The following CAMK4 variants were observed in gnomAD, a reference collection of about 807,000 sequenced individuals.
CAMK4 encodes calcium/calmodulin dependent protein kinase IV.
Under a neutral mutation model 44.9 loss-of-function variants are expected in CAMK4, and 22 were observed. The ratio of observed to expected loss-of-function variants is 0.49; its 90% CI spans 0.35 to 0.70. The LOEUF (loss-of-function observed/expected upper bound fraction) is 0.70, where lower values mean the gene tolerates loss of function less well. CAMK4 is among the 30% of genes least tolerant of loss of function. The pLI is 0.01. For synonymous variants in CAMK4, 218 were observed against 215.4 expected, an observed-to-expected ratio of 1.01 and a Z score of -0.11; for missense variants, 498 against 586.8, an observed-to-expected ratio of 0.85 and a Z score of 1.56.
chr5:111,363,051 A>G (rs1457028215), intron 2 of CAMK4, among the ~76,000 whole-genome samples: 4 of 152,128 alleles, frequency 2.6e-5, no homozygotes, highest in Non-Finnish European at 4.4e-5. Flanking sequence ...TCTGGCAGCT[A>G]TAAAAGCTCT....
chr5:111,246,476 A>G (rs1749245115), intron 1 of CAMK4, among the ~76,000 whole-genome samples: 1 of 152,246 alleles, frequency 6.6e-6, no homozygotes, highest in African/African-American at 2.4e-5. Context: ...AAAGTCCAGA[A>G]CTTTTTCAGG....
intron 1 of CAMK4, among the ~76,000 whole-genome samples, chr5:111,235,519 C>T (rs6891059): frequency 0.29 from 43,353 of 152,022 alleles, 6,451 homozygotes; most frequent in South Asian, 0.41. Context: ...ACACTAATAA[C>T]AATGTTCAAT....
At chr5:111,263,089 G>C (rs1561370626) in intron 1 of CAMK4, among the ~76,000 whole-genome samples, 1 of 152,200 alleles carries the variant, frequency 6.6e-6, no homozygotes, top group Admixed American at 6.5e-5. Context: ...TAGTAAGACA[G>C]CGAAAAGAGA....
chr5:111,317,393 G>A (rs1373488711), intron 1 of CAMK4, among the ~76,000 whole-genome samples: 1 of 151,982 alleles, frequency 6.6e-6, no homozygotes, highest in Non-Finnish European at 1.5e-5. Flanking sequence ...ATAAAATCAC[G>A]GTAAAGCCTA....
At chr5:111,332,294 T>C (rs564564346) in intron 1 of CAMK4, among the ~76,000 whole-genome samples, 4 of 142,200 alleles carry the variant, frequency 2.8e-5, no homozygotes, top group African/African-American at 1.0e-4. Flanking sequence ...GTGTTCTCAT[T>C]GTTCAATTCC....
intron 5 of CAMK4, among the ~76,000 whole-genome samples, chr5:111,402,334 T>C (rs1419741696): frequency 6.6e-6 from 1 of 152,180 alleles, no homozygotes; most frequent in Non-Finnish European, 1.5e-5. Flanking sequence ...AAAACAAAAA[T>C]AAATTATCAG....
chr5:111,248,828 A>G (rs1486557854), intron 1 of CAMK4, among the ~76,000 whole-genome samples: 1 of 152,142 alleles, frequency 6.6e-6, no homozygotes, highest in Non-Finnish European at 1.5e-5. Flanking sequence ...CCAGTAATCA[A>G]ATCATGTTGT....
chr5:111,372,014 A>G (rs1481716408), intron 2 of CAMK4, among the ~76,000 whole-genome samples: 3 of 152,200 alleles, frequency 2.0e-5, no homozygotes, highest in African/African-American at 7.2e-5. Context: ...TGGATTCAAA[A>G]GAGTTTCTAG....
At chr5:111,413,268 G>A (rs527710717) in intron 5 of CAMK4, among the ~76,000 whole-genome samples, 80 of 152,226 alleles carry the variant, frequency 5.3e-4, no homozygotes, top group African/African-American at 1.9e-3. Context: ...AAAAGGTTTG[G>A]AGGCAGTTAT....
intron 4 of CAMK4, among the ~76,000 whole-genome samples, chr5:111,384,279 CCTT>C (rs1166995074): frequency 6.6e-6 from 1 of 152,114 alleles, no homozygotes; most frequent in East Asian, 1.9e-4. Flanking sequence ...CTGGCTTACT[CCTT>C]CATATCATTC....
intron 5 of CAMK4, among the ~76,000 whole-genome samples, chr5:111,397,156 C>G (rs539809897): frequency 6.6e-6 from 1 of 152,204 alleles, no homozygotes; most frequent in African/African-American, 2.4e-5. Context: ...GCAGCTGATA[C>G]AGCAGTTAAG....
At chr5:111,330,109 A>C (rs889010373) in intron 1 of CAMK4, among the ~76,000 whole-genome samples, 3 of 145,432 alleles carry the variant, frequency 2.1e-5, no homozygotes, top group South Asian at 4.8e-4. Flanking sequence ...CAAAAAAACA[A>C]ACAAATAAAA....
intron 4 of CAMK4, among the ~76,000 whole-genome samples, chr5:111,384,758 C>G (rs1277342224): frequency 1.6e-4 from 25 of 152,164 alleles, no homozygotes; most frequent in Admixed American, 1.6e-3. Context: ...GCATTGTTTC[C>G]CATTGCAGTA....
chr5:111,323,311 T>C (rs1409240711), intron 1 of CAMK4, among the ~76,000 whole-genome samples: 1 of 152,078 alleles, frequency 6.6e-6, no homozygotes, highest in Middle Eastern at 3.2e-3. Context: ...ATGATGGGTT[T>C]ATCAGGGCAA....
chr5:111,400,184 A>AT (rs1752172034), intron 5 of CAMK4, among the ~76,000 whole-genome samples: 1 of 152,228 alleles, frequency 6.6e-6, no homozygotes, highest in Non-Finnish European at 1.5e-5. Context: ...TTCAAATCAA[A>AT]TGTTCCTTAA....
chr5:111,379,000 C>CT (rs2112831497), intron 4 of CAMK4, among the ~76,000 whole-genome samples: 1 of 2,806 alleles, frequency 3.6e-4, no homozygotes, highest in Admixed American at 4.8e-3. Context: ...CTTTAGCTGA[C>CT]TTTTTTATGG....
At chr5:111,312,377 G>A (rs995847105) in intron 1 of CAMK4, among the ~76,000 whole-genome samples, 1 of 152,150 alleles carries the variant, frequency 6.6e-6, no homozygotes, top group African/African-American at 2.4e-5. Context: ...CTTTTCATCT[G>A]TAAAATAGAC....
intron 1 of CAMK4, among the ~76,000 whole-genome samples, chr5:111,247,578 A>G (rs1186569214): frequency 6.6e-6 from 1 of 151,818 alleles, no homozygotes; most frequent in Non-Finnish European, 1.5e-5. Context: ...CTAGCAAGTC[A>G]GAAATCTGCA....
rs138090774 is a variant in CAMK4, at chr5:111,294,398, T to G, written c.162-49626T>G. ...TTTGCACATACACATGTGCATACTT[T>G]AAAAATAGCTGCATTAGGAATGTGC... On this transcript the variant is annotated intron_variant, in intron 1 of 10. Transcript: ENST00000282356. 2.9e-3 allele frequency among the ~76,000 whole-genome samples: 444 copies of G among 152,356 alleles called. 1 individual carries two copies. Among genetic ancestry groups the G allele is most frequent in the African/African-American group, 0.01 (417 of 41,584 alleles).
Sources: allele counts gnomAD v4.1 joint callset (sites outside exome capture counted in the v4.1 genomes callset), GRCh38; gene constraint gnomAD v4.1.1; transcripts MANE v1.5; gene names NCBI Gene and HGNC (gene_info 2026-07-23, HGNC 2026-07-21).